Variants in DMD observed in about 807,000 individuals in gnomAD.
The protein encoded by DMD is mutant dystrophin.
In DMD, 63 loss-of-function variants were observed where a neutral mutation model predicts 330.1. The ratio of observed to expected loss-of-function variants is 0.19; its 90% CI spans 0.16 to 0.24. The LOEUF is 0.24. Ranked by LOEUF, DMD falls within the 10% of genes least tolerant of loss-of-function variation. DMD has a pLI of 1.00. For synonymous variants in DMD, 1,223 were observed against 959.8 expected (o/e 1.27, Z -5.07); for missense variants, 3,344 against 2,684.1 (o/e 1.25, Z -5.43).
Position 32,518,017 on chromosome X carries a change from T to G in DMD, c.2283A>C (p.Glu761Asp). 1.7e-6 allele frequency: 2 copies of G among 1,210,989 alleles called. No individual in the cohort carries two copies. Among genetic ancestry groups the G allele is most frequent in the Non-Finnish European group, 2.2e-6 (2 of 894,828 alleles). The change falls in exon 18 of 79, where the codon GAA (glutamate) becomes GAC (aspartate). Residue 761 changes from glutamate (E) to aspartate (D), a missense_variant. Physicochemically the swap from Glu to Asp is conservative, Grantham distance 45. Coordinates refer to ENST00000357033, the MANE Select transcript of DMD (RefSeq NM_004006.3). ...TTAATGCATAACCTACATTGACTTT[T>G]TCTTTTAAGTCTGAGAAGTTGCCTT... ...RKEGNFSDLK[E>D]KVNAIEREKA... is the part of the protein sequence containing the mutation.
rs192459512 is a variant in DMD at position 32,846,511 on chromosome X, C to T, written c.187-1651G>A. Among the ~76,000 whole-genome samples, 358 of 110,723 alleles carry T rather than the reference C, an allele frequency of 3.2e-3. 1 individual carries two copies. The highest frequency in any genetic ancestry group is 0.028 in the Middle Eastern group (6 of 216). ...CCCAAATTAAGCTAAAGCCATCTTA[C>T]TCTCCAAGGTAACTTGCCTGATATC... On this transcript the variant is annotated intron_variant, in intron 3 of 78. Transcript: ENST00000357033.
chrX:32,901,491 T>G (rs1428288057), intron 2 of DMD, among the ~76,000 whole-genome samples: 1 of 108,982 alleles, frequency 9.2e-6, no homozygotes, highest in Non-Finnish European at 1.9e-5. Context: ...ACATACCCAG[T>G]TTTTTGAAAC....
At chrX:32,830,106 G>C (rs1185724449) in intron 4 of DMD, among the ~76,000 whole-genome samples, 1 of 111,408 alleles carries the variant, frequency 9.0e-6, no homozygotes, top group Non-Finnish European at 1.9e-5. Flanking sequence ...TATTGTTCAT[G>C]GCATTTATAT....
intron 44 of DMD, among the ~76,000 whole-genome samples, chrX:32,201,734 C>A (rs5972505): frequency 9.0e-6 from 1 of 110,690 alleles, no homozygotes; most frequent in East Asian, 2.8e-4. Flanking sequence ...TGTCCACTTA[C>A]TCCCTGGCAT....
chrX:32,728,940 A>C (rs770548927), intron 7 of DMD, among the ~76,000 whole-genome samples: 3 of 112,057 alleles, frequency 2.7e-5, no homozygotes, highest in South Asian at 7.3e-4. Flanking sequence ...CATTTAGTAA[A>C]TATTTACTCA....
At chrX:32,677,108 C>T (rs1206552191) in intron 9 of DMD, among the ~76,000 whole-genome samples, 3 of 111,024 alleles carry the variant, frequency 2.7e-5, no homozygotes, top group Non-Finnish European at 5.7e-5. Flanking sequence ...AATGAAACTC[C>T]TATAAAATTA....
Position 32,633,008 on chromosome X carries a change from A to C in DMD, c.1331+11124T>G, listed in dbSNP as rs183010094. 2.8e-3 allele frequency among the ~76,000 whole-genome samples: 317 copies of C among 112,304 alleles called. 1 individual carries two copies. The highest frequency in any genetic ancestry group is 0.01 in the African/African-American group (310 of 30,928). On this transcript the variant is annotated intron_variant, in intron 11 of 78. Coordinates refer to ENST00000357033, the MANE Select transcript of DMD (RefSeq NM_004006.3). The stretch of plus-strand genomic sequence containing the variant: ...TGAAAATGGGCTTTTATTTTCTACC[A>C]CATATCCATGTTGCAAATTTTGAAA...
At chrX:32,747,448 C>T (rs1266696120) in intron 7 of DMD, among the ~76,000 whole-genome samples, 1 of 111,004 alleles carries the variant, frequency 9.0e-6, no homozygotes, top group East Asian at 2.8e-4. Context: ...AGAGTGAGAC[C>T]TAGGGATCTG....
chrX:31,785,093 T>C (rs1202503703), intron 50 of DMD, among the ~76,000 whole-genome samples: 1 of 112,039 alleles, frequency 8.9e-6, no homozygotes, highest in Admixed American at 9.5e-5. Flanking sequence ...CGGAATATTA[T>C]TACTCGGCCA....
chrX:32,147,176 ACAT>A (rs1310550057), intron 44 of DMD, among the ~76,000 whole-genome samples: 3 of 111,505 alleles, frequency 2.7e-5, no homozygotes, highest in Non-Finnish European at 5.6e-5. Flanking sequence ...GGTTTCATCT[ACAT>A]CCCACCAAGC....
At chrX:31,829,662 T>A (rs2149462255) in intron 49 of DMD, among the ~76,000 whole-genome samples, 1 of 111,884 alleles carries the variant, frequency 8.9e-6, no homozygotes, top group Admixed American at 9.5e-5. Context: ...TCATAAAAAA[T>A]CATTTGTTTA....
At chrX:32,684,018 TAC>T (rs369735561) in intron 9 of DMD, among the ~76,000 whole-genome samples, 3,959 of 70,451 alleles carry the variant, frequency 0.056, 93 homozygotes, top group African/African-American at 0.13. Context: ...CACACATACA[TAC>T]ACACACACAC....
intron 1 of DMD, among the ~76,000 whole-genome samples, chrX:33,336,180 C>T (rs749397040): frequency 5.9e-4 from 65 of 109,891 alleles, no homozygotes; most frequent in African/African-American, 2.1e-3. Context: ...AGTTTATTAA[C>T]TCCAGGACCA....
intron 56 of DMD, among the ~76,000 whole-genome samples, chrX:31,499,357 C>T (rs190535866): frequency 9.0e-6 from 1 of 111,002 alleles, no homozygotes; most frequent in Non-Finnish European, 1.9e-5. Flanking sequence ...CAAGCTGCGG[C>T]TTTGTTTATG....
intron 1 of DMD, among the ~76,000 whole-genome samples, chrX:33,083,863 A>C (rs2094965950): frequency 9.0e-6 from 1 of 110,872 alleles, no homozygotes; most frequent in South Asian, 3.9e-4. Context: ...GGAGTAACAG[A>C]CAGAGACACC....
chrX:32,491,570 A>C (rs749848776), intron 19 of DMD, 52 bp from the exon 20 acceptor site: 1 of 1,120,585 alleles, frequency 8.9e-7, no homozygotes, highest in Admixed American at 2.3e-5. Flanking sequence ...AGACTGAAAG[A>C]AATGATCTGA....
At chrX:32,007,743 T>G (rs1352209281) in intron 44 of DMD, among the ~76,000 whole-genome samples, 1 of 110,915 alleles carries the variant, frequency 9.0e-6, no homozygotes, top group East Asian at 2.8e-4. Context: ...CATTTTCTAG[T>G]TACTGTCTAG....
intron 49 of DMD, among the ~76,000 whole-genome samples, chrX:31,827,372 T>C: frequency 8.9e-6 from 1 of 111,972 alleles, no homozygotes. Flanking sequence ...AGAAGATATT[T>C]ACTACAGTAC....
chrX:33,269,821 GA>G (rs2053121803), intron 1 of DMD, among the ~76,000 whole-genome samples: 2 of 110,937 alleles, frequency 1.8e-5, no homozygotes, highest in African/African-American at 6.6e-5. Context: ...TGCATTTTAT[GA>G]GTAGAATTAT....
Sources: allele counts gnomAD v4.1 joint callset (sites outside exome capture counted in the v4.1 genomes callset), GRCh38; gene constraint gnomAD v4.1.1; transcripts MANE v1.5; gene names NCBI Gene and HGNC (gene_info 2026-07-23, HGNC 2026-07-21).